LNX1: variants seen among roughly 807,000 people sequenced by gnomAD.
LNX1 encodes the protein E3 ubiquitin-protein ligase LNX.
In LNX1, 54 loss-of-function variants were observed where a neutral mutation model predicts 68.4. The ratio of observed to expected loss-of-function variants is 0.79; its 90% CI spans 0.63 to 0.99. The LOEUF is 0.99. Ranked by LOEUF, LNX1 falls within the 50% of genes least tolerant of loss-of-function variation. The pLI, the probability that LNX1 is intolerant of heterozygous loss-of-function variation, is 0.00. For synonymous variants in LNX1, 336 were observed against 350.0 expected, an observed-to-expected ratio of 0.96 and a Z score of 0.45; for missense variants, 906 against 926.4, an observed-to-expected ratio of 0.98 and a Z score of 0.29.
rs373378100 is a variant in LNX1 at position 53,478,497 on chromosome 4, C to T, written c.1663+68G>A. On this transcript the variant is annotated intron_variant, in intron 8 of 10. Transcript: ENST00000263925. ...TCTCATTAATTTTGAAAATAGTCACCTAACAAGCTACTAATTTCTCTTGAT... is the reference window on the plus strand; with the variant it reads ...TCTCATTAATTTTGAAAATAGTCACTTAACAAGCTACTAATTTCTCTTGAT... 138 of 1,373,554 alleles carry T rather than the reference C, an allele frequency of 1.0e-4. 1 individual carries two copies. Among genetic ancestry groups the T allele is most frequent in the South Asian group, 8.3e-4 (61 of 73,504 alleles). The allele number at this position is 1,373,554 out of a possible 1,614,324, so 85.1% of individuals were successfully genotyped here. A position where few individuals can be genotyped will look rare whatever the true frequency, so the allele number is the denominator to read the frequency against.
At chr4:53,461,623 A>G in intron 9 of LNX1, 30 bp from the exon 10 acceptor site, 2 of 1,548,434 alleles carry the variant, frequency 1.3e-6, no homozygotes, top group Non-Finnish European at 1.8e-6. Context: ...GTGTACATGC[A>G]TATTTAAGTT....
chr4:53,477,027 A>T (rs770209343), intron 8 of LNX1, 46 bp from the exon 9 acceptor site: 19 of 1,509,556 alleles, frequency 1.3e-5, no homozygotes, highest in Non-Finnish European at 1.8e-6. Context: ...GAGCACAAAC[A>T]GGGACTTCTG....
intron 1 of LNX1, among the ~76,000 whole-genome samples, chr4:53,586,594 G>C (rs1353252885): frequency 6.6e-6 from 1 of 152,100 alleles, no homozygotes; most frequent in Non-Finnish European, 1.5e-5. Flanking sequence ...CGGTTAATTG[G>C]GATAGAACTT....
At chr4:53,580,877 T>G (rs1209447873) in intron 1 of LNX1, among the ~76,000 whole-genome samples, 1 of 152,156 alleles carries the variant, frequency 6.6e-6, no homozygotes, top group African/African-American at 2.4e-5. Flanking sequence ...TGTACCAACA[T>G]AGTAAATAAC....
intron 2 of LNX1, among the ~76,000 whole-genome samples, chr4:53,530,488 G>A (rs1342876731): frequency 2.0e-5 from 3 of 152,126 alleles, no homozygotes; most frequent in Non-Finnish European, 4.4e-5. Flanking sequence ...TCAAATCAGC[G>A]ATGATAACAT....
intron 2 of LNX1, among the ~76,000 whole-genome samples, chr4:53,554,839 G>A (rs975387739): frequency 6.8e-6 from 1 of 146,050 alleles, no homozygotes; most frequent in Non-Finnish European, 1.5e-5. Context: ...GCAACAGAGC[G>A]AGACTCTGTC....
intron 5 of LNX1, among the ~76,000 whole-genome samples, chr4:53,498,350 T>C (rs2292579): frequency 0.12 from 18,109 of 151,642 alleles, 1,396 homozygotes; most frequent in South Asian, 0.22. Flanking sequence ...AAGAGGAAGA[T>C]TGAAAAAGCT....
At chr4:53,554,552 C>G (rs2109713926) in intron 2 of LNX1, among the ~76,000 whole-genome samples, 1 of 152,306 alleles carries the variant, frequency 6.6e-6, no homozygotes, top group South Asian at 2.1e-4. Context: ...CCGAATGATA[C>G]ATGTTTTAAA....
At chr4:53,575,679 C>T in intron 1 of LNX1, 1 of 1,390,480 alleles carries the variant, frequency 7.2e-7, no homozygotes, top group African/African-American at 1.4e-5. Context: ...GGGACCCACC[C>T]CCTGGGCTGG....
chr4:53,507,243 C>T, intron 4 of LNX1, 74 bp downstream of exon 4: 5 of 1,487,156 alleles, frequency 3.4e-6, no homozygotes, highest in Non-Finnish European at 4.6e-6. Context: ...GGAAGGTGAT[C>T]AGATTGCGTC....
intron 2 of LNX1, among the ~76,000 whole-genome samples, chr4:53,516,825 C>A (rs1726822681): frequency 2.0e-5 from 3 of 152,110 alleles, no homozygotes; most frequent in Admixed American, 2.0e-4. Context: ...GGGTAAGAGA[C>A]AAGTGGGCAT....
upstream of LNX1, chr4:53,591,661 A>T: frequency 4.6e-5 from 36 of 778,290 alleles, no homozygotes; most frequent in East Asian, 1.3e-4. Context: ...GAATACCTGC[A>T]AGCAGGTAGG....
intron 2 of LNX1, among the ~76,000 whole-genome samples, chr4:53,553,046 G>C (rs910462068): frequency 1.3e-5 from 2 of 152,076 alleles, no homozygotes; most frequent in African/African-American, 4.8e-5. Flanking sequence ...ACATTTAGGA[G>C]TTGGCCAAGA....
At chr4:53,615,910 C>T (rs1446990634) in intron 2 of LNX1, among the ~76,000 whole-genome samples, 1 of 152,162 alleles carries the variant, frequency 6.6e-6, no homozygotes, top group Non-Finnish European at 1.5e-5. Context: ...TATAAACAAT[C>T]CAATCATACT....
intron 8 of LNX1, among the ~76,000 whole-genome samples, chr4:53,477,489 T>G (rs1201974047): frequency 6.6e-6 from 1 of 152,114 alleles, no homozygotes; most frequent in Admixed American, 6.5e-5. Context: ...GAAAAACATT[T>G]TCATTGCTAA....
intron 1 of LNX1, among the ~76,000 whole-genome samples, chr4:53,647,476 AT>A (rs1483954281): frequency 2.6e-5 from 4 of 152,046 alleles, no homozygotes; most frequent in South Asian, 4.1e-4. Context: ...AATATGACCA[AT>A]TTCTAACCAA....
At chr4:53,498,195 A>G (rs1489010640) in intron 5 of LNX1, among the ~76,000 whole-genome samples, 2 of 152,198 alleles carry the variant, frequency 1.3e-5, no homozygotes, top group Admixed American at 6.5e-5. Flanking sequence ...CAAAAAGTAG[A>G]TGATTGTGAT....
chr4:53,485,869 G>C (rs891573861), intron 6 of LNX1, among the ~76,000 whole-genome samples: 1 of 152,144 alleles, frequency 6.6e-6, no homozygotes, highest in Non-Finnish European at 1.5e-5. Flanking sequence ...TCACACCTAT[G>C]TGATATGTAC....
At chr4:53,564,868 A>G (rs896434420) in intron 2 of LNX1, among the ~76,000 whole-genome samples, 31 of 152,194 alleles carry the variant, frequency 2.0e-4, no homozygotes, top group African/African-American at 7.5e-4. Context: ...TCCCTTTCCT[A>G]ATCAAAGAAA....
Sources: gnomAD v4.1 joint callset for allele counts (sites outside exome capture counted in the v4.1 genomes callset) on GRCh38, gnomAD v4.1.1 for gene constraint, MANE v1.5 for transcripts, NCBI Gene and HGNC (gene_info 2026-07-23, HGNC 2026-07-21) for gene names.